The following POLR1A variants were observed in gnomAD, a reference collection of about 807,000 sequenced individuals.
POLR1A encodes DNA-directed RNA polymerase I subunit RPA1.
In POLR1A, 84 loss-of-function variants were observed where a neutral mutation model predicts 205.3. The observed-to-expected ratio is 0.41, with a 90% CI of 0.34 to 0.49. The LOEUF (loss-of-function observed/expected upper bound fraction) is 0.49, where lower values mean the gene tolerates loss of function less well. Among genes scored for constraint, POLR1A ranks in the 20% least tolerant of loss-of-function variants. POLR1A has a pLI of 0.22. For synonymous variants in POLR1A, 799 were observed against 863.7 expected, an observed-to-expected ratio of 0.93 and a Z score of 1.31; for missense variants, 1,645 against 2,204.5, an observed-to-expected ratio of 0.75 and a Z score of 5.08.
intron 21 of POLR1A, among the ~76,000 whole-genome samples, chr2:86,044,520 A>C (rs553736587): frequency 6.6e-6 from 1 of 152,148 alleles, no homozygotes; most frequent in Non-Finnish European, 1.5e-5. Context: ...TTCTAGGAGG[A>C]GGAGGCTGCA....
intron 26 of POLR1A, among the ~76,000 whole-genome samples, 159 bp downstream of exon 26, chr2:86,039,168 A>T (rs1224439580): frequency 1.3e-5 from 2 of 152,098 alleles, no homozygotes; most frequent in African/African-American, 4.8e-5. Flanking sequence ...AAGCTTCCTG[A>T]TCCATCTCTG....
At chr2:86,100,415 G>A (rs1240473117) in intron 1 of POLR1A, among the ~76,000 whole-genome samples, 1 of 151,944 alleles carries the variant, frequency 6.6e-6, no homozygotes, top group African/African-American at 2.4e-5. Context: ...ATGAATGAGT[G>A]GTAACTTCTT....
intron 9 of POLR1A, among the ~76,000 whole-genome samples, 161 bp from the exon 10 acceptor site, chr2:86,078,445 T>C (rs1014319690): frequency 6.6e-6 from 1 of 152,216 alleles, no homozygotes; most frequent in Non-Finnish European, 1.5e-5. Flanking sequence ...AATAAATCAA[T>C]CTTGTAAGTA....
intron 7 of POLR1A, among the ~76,000 whole-genome samples, chr2:86,082,692 T>C (rs1673426116): frequency 6.6e-6 from 1 of 152,248 alleles, no homozygotes; most frequent in Non-Finnish European, 1.5e-5. Flanking sequence ...AAGAAGGATT[T>C]CCCTTATAGT....
chr2:86,047,896 G>A (rs1316338130), intron 18 of POLR1A, among the ~76,000 whole-genome samples: 1 of 152,156 alleles, frequency 6.6e-6, no homozygotes, highest in Admixed American at 6.5e-5. Flanking sequence ...GGGCGGAGGT[G>A]GTGGGAAGAG....
In POLR1A at chr2:86,021,062, A is replaced by G. The variant is rs1490352364; in HGVS notation, c.*6361T>C. 1.3e-5 allele frequency: 2 copies of G among 152,218 alleles called. No individual in the cohort carries two copies. Among genetic ancestry groups the G allele is most frequent in the African/African-American group, 2.4e-5 (1 of 41,446 alleles). The allele number at this position is 152,218 out of a possible 1,614,324, so 9.4% of individuals were successfully genotyped here. On this transcript the variant is annotated 3_prime_UTR_variant, in exon 34 of 34. Coordinates refer to ENST00000263857, the MANE Select transcript of POLR1A (RefSeq NM_015425.6). ...AAACGCAGCCTCACTGCTCAATCAC[A>G]TTCTTGAGGTTTGATTGGCTGAACG...
chr2:86,078,378 A>T, intron 9 of POLR1A, 94 bp from the exon 10 acceptor site: 1 of 926,398 alleles, frequency 1.1e-6, no homozygotes, highest in Non-Finnish European at 1.6e-6. Context: ...GGATCTGACA[A>T]CTATGCACTC....
chr2:86,038,872 A>C lies in POLR1A; in HGVS notation c.3877-15T>G. 1 of 1,613,610 alleles carries C rather than the reference A, an allele frequency of 6.2e-7. No individual in the cohort carries two copies. The highest frequency in any genetic ancestry group is 8.5e-7 in the Non-Finnish European group (1 of 1,179,604). On this transcript the variant is annotated splice_polypyrimidine_tract_variant and intron_variant, in intron 26 of 33. Transcript: ENST00000263857. ...TTCTGCAACACCTGGAACCAGACGG[A>C]CAGAGAGAACTTGACTTGTTCAGGT...
intron 4 of POLR1A, 71 bp downstream of exon 4, chr2:86,089,751 A>G (rs1015959212): frequency 2.1e-6 from 2 of 975,396 alleles, no homozygotes; most frequent in Non-Finnish European, 1.7e-6. Flanking sequence ...AGTATATGCA[A>G]AGGACAACAC....
Position 86,027,959 on chromosome 2 carries a change from C to A in POLR1A, c.4988G>T (p.Arg1663Leu), listed in dbSNP as rs753605159. ...CTGCTGTAGCGGGGAAGAGTTTGACCGGATCCCAAAGCGATTCAGTGGCTT... is the reference window on the plus strand; with the variant it reads ...CTGCTGTAGCGGGGAAGAGTTTGACAGGATCCCAAAGCGATTCAGTGGCTT... ...VYKPLNRFGI[R>L]SNSSPLQQMT... The change falls in exon 33 of 34, where the codon CGG (arginine) becomes CTG (leucine). Residue 1663 changes from arginine (R) to leucine (L), a missense_variant. This residue lies in a region of POLR1A where 86 missense variants were observed against 149.8 expected (regional missense o/e 0.57). Coordinates refer to ENST00000263857, the MANE Select transcript of POLR1A (RefSeq NM_015425.6). 1 of 1,614,192 alleles carries A rather than the reference C, an allele frequency of 6.2e-7. No individual in the cohort carries two copies. Among genetic ancestry groups the A allele is most frequent in the Admixed American group, 1.7e-5 (1 of 60,022 alleles).
intron 13 of POLR1A, 118 bp downstream of exon 13, chr2:86,069,900 C>T (rs1158541745): frequency 1.6e-5 from 18 of 1,107,812 alleles, no homozygotes; most frequent in Non-Finnish European, 2.2e-5. Context: ...CAGGACCCTC[C>T]ATTCCAGGCG....
chr2:86,068,402 G>GGGGGGGGGGGGGC (rs1319707259), intron 13 of POLR1A, among the ~76,000 whole-genome samples: 1 of 99,256 alleles, frequency 1.0e-5, no homozygotes, highest in African/African-American at 3.8e-5. Context: ...GGGGGGGCGG[G>GGGGGGGGGGGGGC]TGTCGTCCAA....
chr2:86,032,842 G>T (rs1672421411), intron 28 of POLR1A, among the ~76,000 whole-genome samples: 1 of 152,196 alleles, frequency 6.6e-6, no homozygotes, highest in Admixed American at 6.5e-5. Flanking sequence ...GGTGAATTAA[G>T]AATCAAGACC....
chr2:86,063,335 C>CA (rs34298205), intron 14 of POLR1A, among the ~76,000 whole-genome samples: 15,493 of 41,190 alleles, frequency 0.38, 5,872 homozygotes, highest in Non-Finnish European at 0.52. Flanking sequence ...AACTCCATCT[C>CA]AAAAAAAAAA....
intron 24 of POLR1A, among the ~76,000 whole-genome samples, chr2:86,041,634 T>C (rs1672612732): frequency 6.6e-6 from 1 of 151,928 alleles, no homozygotes. Context: ...CAGACTTTCC[T>C]GCAAGCCTCC....
rs918041350 is a variant in POLR1A, at chr2:86,025,306, C to A, written c.*2117G>T. 1.3e-5 allele frequency: 2 copies of A among 152,234 alleles called. No individual in the cohort carries two copies. The highest frequency in any genetic ancestry group is 1.3e-4 in the Admixed American group (2 of 15,284). 9.4% of individuals were successfully genotyped at this position (152,234 alleles called of 1,614,324 possible). On this transcript the variant is annotated 3_prime_UTR_variant, in exon 34 of 34. Coordinates refer to ENST00000263857, the MANE Select transcript of POLR1A (RefSeq NM_015425.6). Reference sequence around the variant, plus strand: ...AAAACTCAAATGCATCCTCAATGGGCACTTACAGTCCTAAGAAGACTCCAA... The same window carrying A: ...AAAACTCAAATGCATCCTCAATGGGAACTTACAGTCCTAAGAAGACTCCAA...
In POLR1A at chr2:86,075,060, C is replaced by T. The variant is rs777773517; in HGVS notation, c.1581G>A (p.Thr527=). 1.3e-5 allele frequency: 21 copies of T among 1,611,148 alleles called. No homozygotes were observed. The East Asian group carries it at 1.3e-4, about 10-fold the overall frequency. ...TTGTCCCCTGGGGCTTAGGTGCCCCCGTGGCTGGGGTCAGAAGCTGCTTGG... is the reference window on the plus strand; with the variant it reads ...TTGTCCCCTGGGGCTTAGGTGCCCCTGTGGCTGGGGTCAGAAGCTGCTTGG... The part of the protein sequence containing the change: ...AVAKQLLTPA[T]GAPKPQGTKI... Residue 527 remains threonine (T), a synonymous_variant, in exon 12 of 34, where the codon ACG becomes ACA. Coordinates refer to ENST00000263857, the MANE Select transcript of POLR1A (RefSeq NM_015425.6).
intron 14 of POLR1A, among the ~76,000 whole-genome samples, chr2:86,062,820 C>G (rs376242619): frequency 1.3e-5 from 2 of 151,942 alleles, no homozygotes; most frequent in African/African-American, 4.8e-5. Context: ...AGAGAAGACA[C>G]AAATTATCAA....
In POLR1A at chr2:86,033,895, G is replaced by A. The variant is rs78132426; in HGVS notation, c.4035-108C>T. On this transcript the variant is annotated intron_variant, in intron 27 of 33. Transcript: ENST00000263857. The stretch of plus-strand genomic sequence containing the variant: ...GGATTCCCACAGGGGATCAGTGCAC[G>A]AGATGGAGGCCCAGCCTCTCCTAGC... 2,710 of 1,357,472 alleles carry A rather than the reference G, an allele frequency of 2.0e-3. 47 individuals are homozygous for A. In the African/African-American group the frequency reaches 0.033, roughly 17 times the overall value. The allele number at this position is 1,357,472 out of a possible 1,614,324, so 84.1% of individuals were successfully genotyped here.
Sources: allele counts gnomAD v4.1 joint callset (sites outside exome capture counted in the v4.1 genomes callset), GRCh38; gene constraint gnomAD v4.1.1; regional missense constraint gnomAD v4.1.1; transcripts MANE v1.5; gene names NCBI Gene and HGNC (gene_info 2026-07-23, HGNC 2026-07-21).